The following DNAL4 variants were observed in gnomAD, a reference collection of about 807,000 sequenced individuals.
DNAL4 encodes dynein light chain, outer arm 4.
A neutral mutation model predicts 12.6 loss-of-function variants in DNAL4; 10 were observed. The observed-to-expected ratio is 0.79, with a 90% CI of 0.49 to 1.34. DNAL4 has a LOEUF of 1.34. DNAL4 is among the 40% of genes most tolerant of loss of function. DNAL4 has a pLI of 0.00. For synonymous variants in DNAL4, 46 were observed against 53.1 expected, an observed-to-expected ratio of 0.87 and a Z score of 0.58; for missense variants, 128 against 138.1, an observed-to-expected ratio of 0.93 and a Z score of 0.37.
At chr22:38,783,766 G>A (rs539353440) in intron 1 of DNAL4, among the ~76,000 whole-genome samples, 8 of 152,166 alleles carry the variant, frequency 5.3e-5, no homozygotes, top group East Asian at 1.9e-4. Context: ...TCATGCGGCC[G>A]TTATGAGAAT....
intron 1 of DNAL4, among the ~76,000 whole-genome samples, chr22:38,791,249 GAAGC>G (rs1166390169): frequency 6.6e-6 from 1 of 152,100 alleles, no homozygotes; most frequent in East Asian, 1.9e-4. Flanking sequence ...TCCCATGAAT[GAAGC>G]GTACAGGACA....
In DNAL4 at chr22:38,782,137, A is replaced by G. The variant is rs1407714834; in HGVS notation, c.69+526T>C. Among the ~76,000 whole-genome samples, 1 of 151,704 alleles carries G rather than the reference A, an allele frequency of 6.6e-6. No individual in the cohort carries two copies. The highest frequency in any genetic ancestry group is 1.9e-4 in the East Asian group (1 of 5,168). On this transcript the variant is annotated intron_variant, in intron 2 of 3. Transcript: ENST00000216068. This position sits in a 1 kb window ranked among gnomAD's most constrained non-coding sequence, Gnocchi z 5.1. Reference sequence around the variant, plus strand: ...GTTATGTCCTGCCACCCTTCTCAGCACTCCATTCCAGCCATGCTGGCCTTC... The same window carrying G: ...GTTATGTCCTGCCACCCTTCTCAGCGCTCCATTCCAGCCATGCTGGCCTTC...
At chr22:38,786,230 G>A (rs2093042002) in intron 1 of DNAL4, among the ~76,000 whole-genome samples, 1 of 152,212 alleles carries the variant, frequency 6.6e-6, no homozygotes, top group Non-Finnish European at 1.5e-5. Flanking sequence ...CTTGGAGCCA[G>A]AAAGAGTCAT....
Position 38,782,647 on chromosome 22 carries a change from C to T in DNAL4, c.69+16G>A. 1 of 1,612,364 alleles carries T rather than the reference C, an allele frequency of 6.2e-7. No individual in the cohort carries two copies. Among genetic ancestry groups the T allele is most frequent in the Non-Finnish European group, 8.5e-7 (1 of 1,179,532 alleles). Reference sequence around the variant, plus strand: ...GGGCCCTGCCGGCAGTCCTGCCTCCCTCCCCTGGGGCTTACCCTGACCAGA... The same window carrying T: ...GGGCCCTGCCGGCAGTCCTGCCTCCTTCCCCTGGGGCTTACCCTGACCAGA... On this transcript the variant is annotated intron_variant, in intron 2 of 3. Coordinates refer to ENST00000216068, the MANE Select transcript of DNAL4 (RefSeq NM_005740.3). The surrounding 1 kb of genome is among the most constrained non-coding windows in gnomAD (Gnocchi z 5.1).
intron 1 of DNAL4, among the ~76,000 whole-genome samples, chr22:38,786,224 G>A (rs549606371): frequency 1.3e-5 from 2 of 152,326 alleles, no homozygotes; most frequent in East Asian, 1.9e-4. Context: ...TGAACTCTTG[G>A]AGCCAGAAAG....
intron 3 of DNAL4, 91 bp downstream of exon 3, chr22:38,780,835 G>A: frequency 7.6e-7 from 1 of 1,312,818 alleles, no homozygotes; most frequent in Non-Finnish European, 1.1e-6. Flanking sequence ...TAGCAGTACT[G>A]TCTGGAGCCA....
At chr22:38,791,873 T>G (rs1224948060) in intron 1 of DNAL4, among the ~76,000 whole-genome samples, 1 of 151,070 alleles carries the variant, frequency 6.6e-6, no homozygotes, top group Admixed American at 6.6e-5. Context: ...GTGTGTTGTT[T>G]TTTTTTTTTT....
intron 1 of DNAL4, among the ~76,000 whole-genome samples, chr22:38,783,294 T>TCC (rs1300051969): frequency 7.0e-6 from 1 of 143,804 alleles, no homozygotes; most frequent in African/African-American, 2.7e-5. Flanking sequence ...ACACGGGCCT[T>TCC]CCCTCCCACT....
chr22:38,781,997 T>G (rs948326733), intron 2 of DNAL4, among the ~76,000 whole-genome samples: 20 of 152,184 alleles, frequency 1.3e-4, no homozygotes, highest in African/African-American at 4.6e-4. Flanking sequence ...ATCTCATCAC[T>G]CCCCTGCTTA....
intron 1 of DNAL4, chr22:38,785,705 C>G (rs544546791): frequency 2.3e-4 from 35 of 152,400 alleles, no homozygotes; most frequent in African/African-American, 7.2e-4. Flanking sequence ...GACGAGCATT[C>G]TGCTCACTTC....
At position 38,782,790 on chromosome 22, in the gene DNAL4, CAGTT is replaced by C. The variant is rs1286431070; in HGVS notation, c.-63_-60del. Reference sequence around the variant, plus strand: ...GGCTTTCAGGAGGTGCTGGGACTGGCAGTTAAGACACACCCAGGAGATTCAGGAA... The same window carrying C: ...GGCTTTCAGGAGGTGCTGGGACTGGCAAGACACACCCAGGAGATTCAGGAA... On this transcript the variant is annotated 5_prime_UTR_variant, in exon 2 of 4. Coordinates refer to ENST00000216068, the MANE Select transcript of DNAL4 (RefSeq NM_005740.3). The surrounding 1 kb of genome is among the most constrained non-coding windows in gnomAD (Gnocchi z 5.1). The C allele has an allele frequency of 1.3e-6, 2 of 1,511,558 alleles. No individual in the cohort carries two copies. The highest frequency in any genetic ancestry group is 2.8e-5 in the African/African-American group (2 of 70,458). 93.6% of individuals were successfully genotyped at this position (1,511,558 alleles called of 1,614,324 possible). A position where few individuals can be genotyped will look rare whatever the true frequency, so the allele number is the denominator to read the frequency against.
At chr22:38,791,396 C>T (rs2093050349) in intron 1 of DNAL4, among the ~76,000 whole-genome samples, 1 of 151,910 alleles carries the variant, frequency 6.6e-6, no homozygotes, top group South Asian at 2.1e-4. Flanking sequence ...TCTTGTTCCC[C>T]AGGCTGGAGT....
chr22:38,780,070 C>T (rs1214006445), intron 3 of DNAL4, among the ~76,000 whole-genome samples: 1 of 152,196 alleles, frequency 6.6e-6, no homozygotes, highest in Non-Finnish European at 1.5e-5. Flanking sequence ...CGACTACTCC[C>T]CTAGTCATGG....
chr22:38,791,943 G>T (rs1241053087), intron 1 of DNAL4, among the ~76,000 whole-genome samples: 5 of 151,584 alleles, frequency 3.3e-5, no homozygotes, highest in Non-Finnish European at 7.4e-5. Context: ...GACCTCAAGT[G>T]ATCCCTCTGC....
At chr22:38,789,524 C>T (rs2093047397) in intron 1 of DNAL4, among the ~76,000 whole-genome samples, 1 of 152,194 alleles carries the variant, frequency 6.6e-6, no homozygotes, top group African/African-American at 2.4e-5. Flanking sequence ...AATTTGCCCA[C>T]CTCAGCCTCC....
At chr22:38,789,998 G>A (rs974982086) in intron 1 of DNAL4, among the ~76,000 whole-genome samples, 1 of 152,164 alleles carries the variant, frequency 6.6e-6, no homozygotes, top group Non-Finnish European at 1.5e-5. Context: ...GGCTGTGGAC[G>A]TGTAGATGGG....
rs184352010 is a variant in DNAL4, at chr22:38,790,317, T to C, written c.-140+3751A>G. Among the ~76,000 whole-genome samples the C allele has an allele frequency of 2.4e-3, 370 of 152,106 alleles. 2 individuals are homozygous for C. The highest frequency in any genetic ancestry group is 8.7e-3 in the African/African-American group (362 of 41,384). ...GGGTATTAATGTCACAGGCATGAAA[T>C]ACTTGAAGGAGAGTGGTGGCTTCAG... is the stretch of plus-strand genomic sequence containing the variant. On this transcript the variant is annotated intron_variant, in intron 1 of 3. Coordinates refer to ENST00000216068, the MANE Select transcript of DNAL4 (RefSeq NM_005740.3).
At chr22:38,789,389 G>T (rs2093047120) in intron 1 of DNAL4, among the ~76,000 whole-genome samples, 1 of 150,330 alleles carries the variant, frequency 6.7e-6, no homozygotes, top group Non-Finnish European at 1.5e-5. Flanking sequence ...AGTAGCTCAT[G>T]CTACCACACT....
intron 1 of DNAL4, among the ~76,000 whole-genome samples, chr22:38,789,132 ACT>A (rs1432262171): frequency 1.3e-5 from 2 of 152,128 alleles, no homozygotes; most frequent in Non-Finnish European, 2.9e-5. Context: ...TCCCCCAGTC[ACT>A]CTGTCAGACA....
Sources: gnomAD v4.1 joint callset for allele counts (sites outside exome capture counted in the v4.1 genomes callset) on GRCh38, gnomAD v4.1.1 for gene constraint, Gnocchi (gnomAD v3.1) non-coding constraint, MANE v1.5 for transcripts, NCBI Gene and HGNC (gene_info 2026-07-23, HGNC 2026-07-21) for gene names.